Variants in PPEF2 observed in about 807,000 individuals in gnomAD.
PPEF2 encodes serine/threonine-protein phosphatase with EF-hands 2.
Under a neutral mutation model 84.7 loss-of-function variants are expected in PPEF2, and 84 were observed. The ratio of observed to expected loss-of-function variants is 0.99; its 90% CI spans 0.83 to 1.19. PPEF2 has a LOEUF of 1.19. PPEF2 is among the 50% of genes most tolerant of loss of function. The pLI is 0.00. For missense variants in PPEF2, 924 were observed against 937.5 expected, an observed-to-expected ratio of 0.99 and a Z score of 0.19; for synonymous variants, 346 against 345.2, an observed-to-expected ratio of 1.00 and a Z score of -0.03.
At chr4:75,888,093 G>C in intron 6 of PPEF2, 121 bp downstream of exon 6, 1 of 723,740 alleles carries the variant, frequency 1.4e-6, no homozygotes, top group Non-Finnish European at 2.5e-6. Context: ...TGGACCTGAA[G>C]GGGTTAAATT....
rs745542107 is a variant in PPEF2 at position 75,882,913 on chromosome 4, C to A, written c.933+13G>T. 7.5e-6 allele frequency: 12 copies of A among 1,596,374 alleles called. No individual in the cohort carries two copies. The highest frequency in any genetic ancestry group is 1.8e-5 in the Admixed American group (1 of 56,418). The stretch of plus-strand genomic sequence containing the variant: ...CATTATGGTGAAATTTGTATTATTT[C>A]ATTAACCACTACCTTGCTCCTCTCT... On this transcript the variant is annotated intron_variant, in intron 10 of 16. Transcript: ENST00000286719.
Position 75,860,802 on chromosome 4 carries a change from A to G in PPEF2, c.2127T>C (p.Asp709=). 1 of 1,614,246 alleles carries G rather than the reference A, an allele frequency of 6.2e-7. No homozygotes were observed. Among genetic ancestry groups the G allele is most frequent in the Non-Finnish European group, 8.5e-7 (1 of 1,180,046 alleles). ...GGAACTCATTGATATCAATGTGGCCATCTTTGTTGAAATCAATGCTCCGAG... is the reference window on the plus strand; with the variant it reads ...GGAACTCATTGATATCAATGTGGCCGTCTTTGTTGAAATCAATGCTCCGAG... ...DLARSIDFNK[D]GHIDINEFLE... The change falls in exon 17 of 17, where the codon GAT becomes GAC. Residue 709 remains aspartate, a synonymous_variant. Transcript: ENST00000286719.
intron 11 of PPEF2, among the ~76,000 whole-genome samples, chr4:75,875,915 T>A (rs1243945882): frequency 6.6e-6 from 1 of 152,152 alleles, no homozygotes; most frequent in Non-Finnish European, 1.5e-5. Context: ...GGACAGCTCT[T>A]GCCTGGTAAC....
In PPEF2 at chr4:75,898,761, G is replaced by C. The variant is rs76612338; in HGVS notation, c.-58-2378C>G. ...ACATAATAATTATACATATTTATGG[G>C]ATACAATGTGATATTCTGATACATG... On this transcript the variant is annotated intron_variant, in intron 1 of 16. Transcript: ENST00000286719. Among the ~76,000 whole-genome samples the C allele has an allele frequency of 2.0e-4, 30 of 152,158 alleles. 1 individual carries two copies. In the East Asian group the frequency reaches 5.6e-3, roughly 28 times the overall value.
chr4:75,883,101 G>A (rs756616145), intron 9 of PPEF2, 26 bp from the exon 10 acceptor site: 1 of 1,613,692 alleles, frequency 6.2e-7, no homozygotes. Context: ...TAAACAAAAT[G>A]TTATCAAATA....
At position 75,860,657 on chromosome 4, in the gene PPEF2, C is replaced by T. The variant is rs1244335106; in HGVS notation, c.*10G>A. The T allele has an allele frequency of 6.2e-7, 1 of 1,613,066 alleles. No homozygotes were observed. Among genetic ancestry groups the T allele is most frequent in the Admixed American group, 1.7e-5 (1 of 59,998 alleles). On this transcript the variant is annotated 3_prime_UTR_variant, in exon 17 of 17. Transcript: ENST00000286719. ...ATGAGGCACTTTGGGTGATGAAGAC[C>T]AGGCTGTTCTTAGTGTGCACCTGGA...
In PPEF2 at chr4:75,873,171, G is replaced by A; in HGVS notation, c.1462C>T (p.His488Tyr). The A allele has an allele frequency of 6.2e-7, 1 of 1,614,180 alleles. No homozygotes were observed. The highest frequency in any genetic ancestry group is 8.5e-7 in the Non-Finnish European group (1 of 1,180,014). The change falls in exon 12 of 17, where the codon CAT becomes TAT. Residue 488 changes from histidine to tyrosine, a missense_variant. Transcript: ENST00000286719. ...TCATAGCCTTCAGGTTTGCATTCAT[G>A]TGAACGGATCAGGAATTGCATGTTG... is the stretch of plus-strand genomic sequence containing the variant. ...KYNMQFLIRS[H>Y]ECKPEGYEFC...
chr4:75,891,584 C>G, intron 4 of PPEF2, 64 bp downstream of exon 4: 1 of 1,513,434 alleles, frequency 6.6e-7, no homozygotes, highest in Non-Finnish European at 8.9e-7. Flanking sequence ...GTGCATCCCC[C>G]ACCTCACCGT....
chr4:75,896,497 G>A, intron 1 of PPEF2, 114 bp from the exon 2 acceptor site: 1 of 676,730 alleles, frequency 1.5e-6, no homozygotes, highest in Non-Finnish European at 2.6e-6. Flanking sequence ...TCCAGTCTAA[G>A]TGCACAAGAT....
intron 7 of PPEF2, among the ~76,000 whole-genome samples, chr4:75,885,774 G>C (rs1028079051): frequency 1.3e-5 from 2 of 152,108 alleles, no homozygotes; most frequent in African/African-American, 2.4e-5. Flanking sequence ...ACTTTGGGAG[G>C]CTGAGGCAGG....
intron 10 of PPEF2, among the ~76,000 whole-genome samples, chr4:75,880,888 C>G (rs894579202): frequency 4.0e-5 from 6 of 150,904 alleles, no homozygotes; most frequent in African/African-American, 1.5e-4. Flanking sequence ...CAGTCTCTGT[C>G]TCCTGGGTTC....
chr4:75,865,852 A>G (rs905929165), intron 15 of PPEF2, among the ~76,000 whole-genome samples: 34 of 152,234 alleles, frequency 2.2e-4, no homozygotes, highest in Non-Finnish European at 1.2e-4. Flanking sequence ...TTGAAGAAAG[A>G]AAATGGGCCT....
Position 75,866,199 on chromosome 4 carries a change from A to T in PPEF2, c.1910T>A (p.Leu637Gln), listed in dbSNP as rs1233668308. Reference sequence around the variant, plus strand: ...TTACCACACCGTTACCTCGCGACTCAGTTGTTCCTTGGCCAAGTTCTTCAG... The same window carrying T: ...TTACCACACCGTTACCTCGCGACTCTGTTGTTCCTTGGCCAAGTTCTTCAG... ...SWLKNLAKEQ[L>Q]SRENIQSSLL... The change falls in exon 15 of 17, where the codon CTG (leucine) becomes CAG (glutamine). Residue 637 changes from leucine to glutamine, a missense_variant. Physicochemically the swap from Leu to Gln is moderately radical, Grantham distance 113. Transcript: ENST00000286719. 1 of 1,612,598 alleles carries T rather than the reference A, an allele frequency of 6.2e-7. No homozygotes were observed. The highest frequency in any genetic ancestry group is 8.5e-7 in the Non-Finnish European group (1 of 1,179,096).
In PPEF2 at chr4:75,859,969, C is replaced by G. The variant is rs1723951393; in HGVS notation, c.*698G>C. ...AGAAAAAGTAAATAATGAAGAAAAT[C>G]CATATGCTTGGGTCATGGAATTACA... On this transcript the variant is annotated 3_prime_UTR_variant, in exon 17 of 17. Transcript: ENST00000286719. 2 of 152,068 alleles carry G rather than the reference C, an allele frequency of 1.3e-5. No homozygotes were observed. The highest frequency in any genetic ancestry group is 4.8e-5 in the African/African-American group (2 of 41,404). 9.4% of individuals were successfully genotyped at this position (152,068 alleles called of 1,614,324 possible). A position where few individuals can be genotyped will look rare whatever the true frequency, so the allele number is the denominator to read the frequency against.
Position 75,883,001 on chromosome 4 carries a change from C to T in PPEF2, c.858G>A (p.Glu286=). 1 of 1,614,168 alleles carries T rather than the reference C, an allele frequency of 6.2e-7. No individual in the cohort carries two copies. The highest frequency in any genetic ancestry group is 8.5e-7 in the Non-Finnish European group (1 of 1,180,024). The change falls in exon 10 of 17, where the codon GAG becomes GAA. Residue 286 remains glutamate, a synonymous_variant. Transcript: ENST00000286719. ...CCCCACCATGAAGAATTAGAACTTT[C>T]TCATCTATCAGAGTGGCCAGTGGAA... ...CWLPLATLID[E]KVLILHGGVS... is the part of the protein sequence containing the mutation.
intron 12 of PPEF2, 48 bp from the exon 13 acceptor site, chr4:75,872,215 C>A: frequency 6.3e-7 from 1 of 1,575,150 alleles, no homozygotes; most frequent in Non-Finnish European, 8.7e-7. Context: ...ACTGAAGAAA[C>A]CTTCACCCTC....
Position 75,891,651 on chromosome 4 carries a change from C to CGTT in PPEF2, c.235_237dup (p.Asn79dup), listed in dbSNP as rs762793940. On this transcript the variant is annotated inframe_insertion, in exon 4 of 17. Coordinates refer to ENST00000286719, the MANE Select transcript of PPEF2 (RefSeq NM_006239.3). ...ACATGTGGCAGTTCATACTCACTGT[C>CGTT]GTTGTGGCTGCTGGGGATGAAGTGA... 12 of 1,608,600 alleles carry CGTT rather than the reference C, an allele frequency of 7.5e-6. No individual in the cohort carries two copies. The African/African-American group carries it at 1.6e-4, about 22-fold the overall frequency.
At chr4:75,901,898 G>A (rs746332172) in intron 1 of PPEF2, among the ~76,000 whole-genome samples, 7 of 152,076 alleles carry the variant, frequency 4.6e-5, no homozygotes, top group South Asian at 2.1e-4. Context: ...CCAGGAGTTC[G>A]AGGCTGTAGT....
intron 13 of PPEF2, among the ~76,000 whole-genome samples, chr4:75,868,523 A>G (rs1285543125): frequency 6.6e-6 from 1 of 152,050 alleles, no homozygotes; most frequent in Admixed American, 6.6e-5. Context: ...AGTGGGCTAC[A>G]TAGATCCTTA....
Sources: allele counts gnomAD v4.1 joint callset (sites outside exome capture counted in the v4.1 genomes callset), GRCh38; gene constraint gnomAD v4.1.1; transcripts MANE v1.5; gene names NCBI Gene and HGNC (gene_info 2026-07-23, HGNC 2026-07-21).